SNX14: variants seen among roughly 807,000 people sequenced by gnomAD.
SNX14 encodes sorting nexin 14, also known as sorting nexin-14.
In SNX14, 93 loss-of-function variants were observed where a neutral mutation model predicts 133.8. That is an observed-to-expected ratio of 0.70 (90% CI 0.59 to 0.83). The LOEUF is 0.83. SNX14 is among the 40% of genes least tolerant of loss of function. The pLI is 0.00. For missense variants in SNX14, 945 were observed against 1,094.9 expected (o/e 0.86, Z 1.93); for synonymous variants, 368 against 365.6 (o/e 1.01, Z -0.07).
chr6:85,570,597 A>AT (rs139070041), intron 4 of SNX14, among the ~76,000 whole-genome samples: 2,562 of 152,274 alleles, frequency 0.017, 70 homozygotes, highest in African/African-American at 0.057. Flanking sequence ...GCTGACTCCT[A>AT]TACTACCAAC....
rs1459483699 is a variant in SNX14 at position 85,528,348 on chromosome 6, C to T, written c.1909G>A (p.Ala637Thr). 1 of 1,612,554 alleles carries T rather than the reference C, an allele frequency of 6.2e-7. No individual in the cohort carries two copies. The highest frequency in any genetic ancestry group is 1.7e-5 in the Admixed American group (1 of 59,894). Reference sequence around the variant, plus strand: ...ATGATCCTCTTAGAAGGAAGCTGGGCATCAGGAAATGCACCTGAAATTAGT... The same window carrying T: ...ATGATCCTCTTAGAAGGAAGCTGGGTATCAGGAAATGCACCTGAAATTAGT... ...LTEFHGAFPD[A>T]QLPSKRIIGP... is the part of the protein sequence containing the mutation. Residue 637 changes from alanine to threonine, a missense_variant, in exon 20 of 29, where the codon GCC becomes ACC. Ala to Thr is a moderately conservative substitution (Grantham distance 58, BLOSUM62 0). Coordinates refer to ENST00000314673, the MANE Select transcript of SNX14 (RefSeq NM_153816.6).
intron 26 of SNX14, among the ~76,000 whole-genome samples, chr6:85,511,534 A>G (rs1772820863): frequency 6.6e-6 from 1 of 152,198 alleles, no homozygotes; most frequent in Admixed American, 6.5e-5. Context: ...TGTTAGCTAT[A>G]GGTGTTTTTG....
At chr6:85,572,961 G>C (rs1251784295) in intron 2 of SNX14, among the ~76,000 whole-genome samples, 1 of 151,810 alleles carries the variant, frequency 6.6e-6, no homozygotes. Context: ...CTCAAAAAAA[G>C]GAAGAAAGAA....
chr6:85,507,400 G>A, intron 27 of SNX14, 111 bp from the exon 28 acceptor site: 1 of 791,238 alleles, frequency 1.3e-6, no homozygotes, highest in Non-Finnish European at 2.0e-6. Context: ...GGGAAGGCAG[G>A]GAATGGGACT....
In SNX14 at chr6:85,549,894, G is replaced by C; in HGVS notation, c.635-15C>G. 1.3e-6 allele frequency: 2 copies of C among 1,579,722 alleles called. No individual in the cohort carries two copies. The highest frequency in any genetic ancestry group is 2.7e-5 in the African/African-American group (2 of 73,196). The stretch of plus-strand genomic sequence containing the variant: ...TGTATTTTTTACTATAGAGATTAAA[G>C]ATAAATATTGAAACAAGTTAAGTGA... On this transcript the variant is annotated splice_polypyrimidine_tract_variant and intron_variant, in intron 7 of 28. Coordinates refer to ENST00000314673, the MANE Select transcript of SNX14 (RefSeq NM_153816.6).
chr6:85,551,836 A>C (rs534479046), intron 7 of SNX14, among the ~76,000 whole-genome samples: 1 of 152,350 alleles, frequency 6.6e-6, no homozygotes, highest in African/African-American at 2.4e-5. Context: ...TAGATTTCTT[A>C]ATAAATACTG....
At chr6:85,525,339 G>T (rs1778195030) in intron 21 of SNX14, among the ~76,000 whole-genome samples, 1 of 151,938 alleles carries the variant, frequency 6.6e-6, no homozygotes, top group Admixed American at 6.6e-5. Flanking sequence ...CTGCAAAATG[G>T]TTTTACTAAT....
Position 85,593,853 on chromosome 6 carries a change from G to A in SNX14, c.-135C>T, listed in dbSNP as rs2128259145. The A allele has an allele frequency of 1.3e-6, 2 of 1,489,680 alleles. No homozygotes were observed. Among genetic ancestry groups the A allele is most frequent in the South Asian group, 1.3e-5 (1 of 79,578 alleles). The allele number at this position is 1,489,680 out of a possible 1,614,324, so 92.3% of individuals were successfully genotyped here. ...GCCTACCGGCAGTTAGCCGCCGCAG[G>A]CTGAGGTCGCGTCCGGCTGGGCCCA... On this transcript the variant is annotated 5_prime_UTR_variant, in exon 1 of 29. Coordinates refer to ENST00000314673, the MANE Select transcript of SNX14 (RefSeq NM_153816.6).
intron 7 of SNX14, among the ~76,000 whole-genome samples, chr6:85,556,811 C>G (rs1333304923): frequency 6.6e-6 from 1 of 152,082 alleles, no homozygotes; most frequent in Non-Finnish European, 1.5e-5. Context: ...ATAAGATGAA[C>G]ACAGAATAAT....
intron 21 of SNX14, among the ~76,000 whole-genome samples, chr6:85,523,721 C>T (rs1443209066): frequency 5.3e-5 from 8 of 151,942 alleles, no homozygotes; most frequent in Admixed American, 1.3e-4. Flanking sequence ...GCTGAGATCA[C>T]GCCACCGCAC....
At chr6:85,507,832 T>C (rs866961416) in intron 27 of SNX14, 136 bp downstream of exon 27, 79 of 478,768 alleles carry the variant, frequency 1.7e-4, no homozygotes, top group African/African-American at 1.1e-3. Context: ...AAACTTTTTT[T>C]CTATCTGAAT....
chr6:85,565,513 C>T, intron 5 of SNX14, 94 bp from the exon 6 acceptor site: 2 of 754,910 alleles, frequency 2.6e-6, no homozygotes, highest in Non-Finnish European at 4.3e-6. Context: ...TTTCTGTTTA[C>T]TTAAGCTACT....
chr6:85,550,871 C>T (rs1348101184), intron 7 of SNX14, among the ~76,000 whole-genome samples: 2 of 152,006 alleles, frequency 1.3e-5, no homozygotes, highest in Non-Finnish European at 2.9e-5. Flanking sequence ...GCTACCTCCA[C>T]CTCCCAGGTT....
At chr6:85,561,485 A>T (rs1791595163) in intron 6 of SNX14, 1 of 152,258 alleles carries the variant, frequency 6.6e-6, no homozygotes, top group East Asian at 1.9e-4. Context: ...TATAACTTAA[A>T]TGGTTTGTCA....
At chr6:85,544,905 C>G (rs1784986643) in intron 12 of SNX14, among the ~76,000 whole-genome samples, 2 of 152,090 alleles carry the variant, frequency 1.3e-5, no homozygotes, top group South Asian at 4.2e-4. Flanking sequence ...AGTAAATATG[C>G]CAATAATTGT....
chr6:85,518,121 C>T, intron 21 of SNX14, 73 bp from the exon 22 acceptor site: 15 of 1,234,424 alleles, frequency 1.2e-5, no homozygotes, highest in Non-Finnish European at 1.6e-5. Context: ...AATACTTAAC[C>T]AGGTAATTTT....
chr6:85,559,101 T>A (rs1197821340), intron 6 of SNX14, among the ~76,000 whole-genome samples: 1 of 152,164 alleles, frequency 6.6e-6, no homozygotes, highest in Non-Finnish European at 1.5e-5. Flanking sequence ...CAATTCTTTT[T>A]AAATTCCATA....
At chr6:85,534,195 T>C (rs907240322) in intron 17 of SNX14, among the ~76,000 whole-genome samples, 3 of 152,136 alleles carry the variant, frequency 2.0e-5, no homozygotes, top group Non-Finnish European at 4.4e-5. Context: ...GCTGGGCGCA[T>C]TGGCTTTCAC....
At chr6:85,574,450 TAAC>T in intron 1 of SNX14, 72 bp from the exon 2 acceptor site, 1 of 1,123,346 alleles carries the variant, frequency 8.9e-7, no homozygotes, top group Non-Finnish European at 1.2e-6. Context: ...TTCACTGACT[TAAC>T]AAGCATTCAT....
Sources: gnomAD v4.1 joint callset for allele counts (sites outside exome capture counted in the v4.1 genomes callset) on GRCh38, gnomAD v4.1.1 for gene constraint, MANE v1.5 for transcripts, NCBI Gene and HGNC (gene_info 2026-07-23, HGNC 2026-07-21) for gene names.